Variants in GALK2 observed in about 807,000 individuals in gnomAD.
GALK2 encodes N-acetylgalactosamine kinase.
GALK2 carries 36 observed loss-of-function variants against 52.4 expected under a neutral mutation model. The ratio of observed to expected loss-of-function variants is 0.69; its 90% CI spans 0.53 to 0.91. The LOEUF (loss-of-function observed/expected upper bound fraction) is 0.91. Among genes scored for constraint, GALK2 ranks in the 40% least tolerant of loss-of-function variants. GALK2 has a pLI of 0.00. For synonymous variants in GALK2, 176 were observed against 199.1 expected (o/e 0.88, Z 0.98); for missense variants, 579 against 559.1 (o/e 1.04, Z -0.36).
chr15:49,201,023 A>C (rs2087705566), intron 1 of GALK2, 139 bp from the exon 2 acceptor site: 1 of 454,364 alleles, frequency 2.2e-6, no homozygotes, highest in African/African-American at 2.0e-5. Context: ...TTATTCTTTT[A>C]AGGAATAATT....
chr15:49,264,024 T>C (rs1024419192), intron 5 of GALK2, among the ~76,000 whole-genome samples: 1 of 151,960 alleles, frequency 6.6e-6, no homozygotes, highest in Admixed American at 6.5e-5. Flanking sequence ...ATTTCAACTT[T>C]GGTGAATCTG....
Position 49,228,682 on chromosome 15 carries a change from T to TATATATAC in GALK2, c.267-7163_267-7162insACATATAT, listed in dbSNP as rs1555409030. Among the ~76,000 whole-genome samples, 71 of 14,558 alleles carry TATATATAC rather than the reference T, an allele frequency of 4.9e-3. 10 individuals carry two copies. The highest frequency in any genetic ancestry group is 0.019 in the African/African-American group (68 of 3,496). 9.6% of individuals were successfully genotyped at this position (14,558 alleles called of 152,430 possible). A position where few individuals can be genotyped will look rare whatever the true frequency, so the allele number is the denominator to read the frequency against. The stretch of plus-strand genomic sequence containing the variant: ...ACTGATATATATATATATATATATA[T>TATATATAC]ATATATTTTTTTTTTTTTTTTTTTT... On this transcript the variant is annotated intron_variant, in intron 3 of 9. Coordinates refer to ENST00000560031, the MANE Select transcript of GALK2 (RefSeq NM_002044.4).
intron 3 of GALK2, among the ~76,000 whole-genome samples, chr15:49,350,032 C>T (rs2042028142): frequency 6.6e-6 from 1 of 152,116 alleles, no homozygotes; most frequent in South Asian, 2.1e-4. Context: ...CCCTAAACTT[C>T]TAAAATTAGA....
At chr15:49,355,531 G>A (rs997936392) in intron 3 of GALK2, among the ~76,000 whole-genome samples, 2 of 152,216 alleles carry the variant, frequency 1.3e-5, no homozygotes, top group South Asian at 2.1e-4. Flanking sequence ...AAGAAGGGAA[G>A]TTTAGAGAAA....
At chr15:49,172,972 C>T (rs1414144240) in intron 1 of GALK2, among the ~76,000 whole-genome samples, 1 of 152,138 alleles carries the variant, frequency 6.6e-6, no homozygotes, top group Non-Finnish European at 1.5e-5. Context: ...ATTCATAGAG[C>T]TATGCAACCA....
In GALK2 at chr15:49,292,308, T is replaced by C; in HGVS notation, c.757-19T>C. The C allele has an allele frequency of 6.2e-7, 1 of 1,607,988 alleles. No homozygotes were observed. ...AATTCTGAATCAAAACTGACCATTA[T>C]CTTGATTTGAATTTGCAGCTCCTGG... On this transcript the variant is annotated intron_variant, in intron 7 of 9. Coordinates refer to ENST00000560031, the MANE Select transcript of GALK2 (RefSeq NM_002044.4).
At chr15:49,163,768 C>T (rs1946090568) in intron 1 of GALK2, among the ~76,000 whole-genome samples, 3 of 152,152 alleles carry the variant, frequency 2.0e-5, no homozygotes, top group Admixed American at 6.6e-5. Context: ...TTTCTTACTT[C>T]TGAATTCTCT....
Position 49,328,708 on chromosome 15 carries a change from G to T in GALK2, c.*549G>T. On this transcript the variant is annotated 3_prime_UTR_variant, in exon 10 of 10. Transcript: ENST00000560031. ...AATAATACATGATTAAAGTTTCACA[G>T]ATCTTCTTGGACATTGTATAATTGA... is the stretch of plus-strand genomic sequence containing the variant. 1 of 1,547,444 alleles carries T rather than the reference G, an allele frequency of 6.5e-7. No homozygotes were observed. Among genetic ancestry groups the T allele is most frequent in the South Asian group, 1.2e-5 (1 of 83,342 alleles).
chr15:49,270,854 A>C (rs927590731), intron 5 of GALK2, among the ~76,000 whole-genome samples: 5 of 152,184 alleles, frequency 3.3e-5, no homozygotes, highest in African/African-American at 1.2e-4. Context: ...AAGAAATAGT[A>C]ACTAGTCATC....
chr15:49,217,163 A>T, intron 2 of GALK2, 27 bp from the exon 3 acceptor site: 2 of 1,593,130 alleles, frequency 1.3e-6, no homozygotes, highest in South Asian at 2.2e-5. Flanking sequence ...ATTAGCAATG[A>T]TTAAAAAAGC....
chr15:49,328,918 TA>T lies in GALK2; in HGVS notation c.*765del. On this transcript the variant is annotated 3_prime_UTR_variant, in exon 10 of 10. Coordinates refer to ENST00000560031, the MANE Select transcript of GALK2 (RefSeq NM_002044.4). ...CCATTACTTAATAGAAAAACTTAGATAAAAAACACTTTAAGACTCTTCTATT... is the reference window on the plus strand; with the variant it reads ...CCATTACTTAATAGAAAAACTTAGATAAAAACACTTTAAGACTCTTCTATT... The T allele has an allele frequency of 8.2e-7, 1 of 1,216,182 alleles. No individual in the cohort carries two copies. The highest frequency in any genetic ancestry group is 3.2e-5 in the East Asian group (1 of 30,954). 75.3% of individuals were successfully genotyped at this position (1,216,182 alleles called of 1,614,324 possible). A position where few individuals can be genotyped will look rare whatever the true frequency, so the allele number is the denominator to read the frequency against.
chr15:49,237,312 A>C (rs190000446), intron 4 of GALK2, among the ~76,000 whole-genome samples: 8 of 152,312 alleles, frequency 5.3e-5, no homozygotes, highest in Admixed American at 3.3e-4. Flanking sequence ...AAATACTAGA[A>C]AGTTTCAGAG....
rs117237055 is a variant in GALK2 at position 49,365,197 on chromosome 15, C to T, written c.427-2294C>T. On this transcript the variant is annotated intron_variant, in intron 3 of 3. Transcript: ENST00000558399. ...TTGCATAATACAGATGGTCCATCAT[C>T]TGATAGCTGTTACCTTTCCAGAACT... 1.3e-4 allele frequency: 110 copies of T among 826,552 alleles called. 1 individual carries two copies. The East Asian group carries it at 2.6e-3, about 19-fold the overall frequency. The allele number at this position is 826,552 out of a possible 1,614,324, so 51.2% of individuals were successfully genotyped here. A position where few individuals can be genotyped will look rare whatever the true frequency, so the allele number is the denominator to read the frequency against.
intron 1 of GALK2, among the ~76,000 whole-genome samples, chr15:49,191,393 C>A (rs1341188713): frequency 6.6e-6 from 1 of 152,092 alleles, no homozygotes; most frequent in African/African-American, 2.4e-5. Context: ...TGATGTGGAA[C>A]TTTAGTACCA....
At chr15:49,303,688 C>T (rs1055819661) in intron 8 of GALK2, among the ~76,000 whole-genome samples, 1 of 152,160 alleles carries the variant, frequency 6.6e-6, no homozygotes, top group African/African-American at 2.4e-5. Flanking sequence ...GCATCACTGG[C>T]CTCCTTGGTC....
At chr15:49,156,191 G>A in intron 1 of GALK2, 1 of 645,122 alleles carries the variant, frequency 1.6e-6, no homozygotes, top group Non-Finnish European at 2.7e-6. Flanking sequence ...TATCAGTTGA[G>A]TTGCCTTAAA....
intron 3 of GALK2, among the ~76,000 whole-genome samples, chr15:49,367,174 T>C (rs549741747): frequency 4.4e-4 from 67 of 152,326 alleles, no homozygotes; most frequent in Admixed American, 2.6e-4. Flanking sequence ...GTTGCAAAGA[T>C]AGCCTTTTAT....
intron 1 of GALK2, among the ~76,000 whole-genome samples, chr15:49,162,957 A>G (rs920360770): frequency 1.3e-5 from 2 of 152,246 alleles, no homozygotes; most frequent in Non-Finnish European, 2.9e-5. Context: ...CTACATTTGT[A>G]GTAATATTGT....
At chr15:49,354,332 T>G (rs1009029888) in intron 3 of GALK2, among the ~76,000 whole-genome samples, 1 of 152,098 alleles carries the variant, frequency 6.6e-6, no homozygotes, top group Non-Finnish European at 1.5e-5. Context: ...CCATCTGAGG[T>G]ACCGGGTTCA....
Sources: gnomAD v4.1 joint callset for allele counts (sites outside exome capture counted in the v4.1 genomes callset) on GRCh38, gnomAD v4.1.1 for gene constraint, MANE v1.5 for transcripts, NCBI Gene and HGNC (gene_info 2026-07-23, HGNC 2026-07-21) for gene names.